The following OTUD7A variants were observed in gnomAD, a reference collection of about 807,000 sequenced individuals.
OTUD7A encodes the protein OTU deubiquitinase 7A.
In OTUD7A, 12 loss-of-function variants were observed where a neutral mutation model predicts 65.7. That is an observed-to-expected ratio of 0.18 (90% CI 0.12 to 0.30). The LOEUF (loss-of-function observed/expected upper bound fraction) is 0.30, where lower values mean the gene tolerates loss of function less well. Among genes scored for constraint, OTUD7A ranks in the 10% least tolerant of loss-of-function variants. The pLI is 1.00. For missense variants in OTUD7A, 1,148 were observed against 1,304.8 expected, an observed-to-expected ratio of 0.88 and a Z score of 1.85; for synonymous variants, 641 against 586.3, an observed-to-expected ratio of 1.09 and a Z score of -1.35.
intron 5 of OTUD7A, among the ~76,000 whole-genome samples, chr15:31,537,712 A>G (rs1887851280): frequency 6.6e-6 from 1 of 152,168 alleles, no homozygotes; most frequent in South Asian, 2.1e-4. Context: ...AAGGCATAAA[A>G]CTCAACAAAA....
chr15:31,767,115 T>C, intron 1 of OTUD7A: 1 of 1,548,506 alleles, frequency 6.5e-7, no homozygotes, highest in Non-Finnish European at 8.8e-7. Flanking sequence ...CTGATTCTTC[T>C]TTATTTTTTT....
chr15:31,698,885 C>T (rs867787063), intron 1 of OTUD7A, among the ~76,000 whole-genome samples: 1 of 149,350 alleles, frequency 6.7e-6, no homozygotes, highest in Non-Finnish European at 1.5e-5. Flanking sequence ...CTTACTCTTT[C>T]TGAGCATCAC....
chr15:31,640,664 T>C (rs1217841778), intron 3 of OTUD7A, among the ~76,000 whole-genome samples: 5 of 152,018 alleles, frequency 3.3e-5, no homozygotes, highest in Admixed American at 6.5e-5. Context: ...TGTGAACTAT[T>C]TCTTAACTTT....
chr15:31,672,569 C>T (rs4580119), intron 1 of OTUD7A, among the ~76,000 whole-genome samples: 8,422 of 151,894 alleles, frequency 0.055, 798 homozygotes, highest in African/African-American at 0.19. Context: ...TTTAGTTCCA[C>T]TTTACTAAAG....
intron 3 of OTUD7A, among the ~76,000 whole-genome samples, chr15:31,574,282 T>A (rs1889140305): frequency 6.6e-6 from 1 of 152,076 alleles, no homozygotes; most frequent in African/African-American, 2.4e-5. Flanking sequence ...TGAAAGACAT[T>A]TAAAATATTT....
chr15:31,492,605 C>T (rs1420548855), intron 10 of OTUD7A, among the ~76,000 whole-genome samples: 8 of 149,210 alleles, frequency 5.4e-5, no homozygotes, highest in African/African-American at 1.7e-4. Flanking sequence ...AAAAACAAAT[C>T]TCATTAATTA....
intron 3 of OTUD7A, among the ~76,000 whole-genome samples, chr15:31,629,309 T>C (rs914106430): frequency 2.0e-5 from 3 of 152,250 alleles, no homozygotes; most frequent in South Asian, 2.1e-4. Context: ...TCAAGGGTTG[T>C]TGAATTTTGT....
intron 3 of OTUD7A, among the ~76,000 whole-genome samples, chr15:31,654,726 T>A: frequency 6.6e-6 from 1 of 152,188 alleles, no homozygotes; most frequent in East Asian, 1.9e-4. Flanking sequence ...GGTATCTACG[T>A]GAAAAGCTGG....
At chr15:31,537,369 C>T (rs555002763) in intron 5 of OTUD7A, among the ~76,000 whole-genome samples, 1 of 152,228 alleles carries the variant, frequency 6.6e-6, no homozygotes, top group Non-Finnish European at 1.5e-5. Context: ...TTAAAATTAA[C>T]ACTACAAAGT....
chr15:31,799,999 G>A (rs896413001), intron 1 of OTUD7A, among the ~76,000 whole-genome samples: 6 of 152,230 alleles, frequency 3.9e-5, no homozygotes, highest in Non-Finnish European at 7.4e-5. Context: ...CACTTCAGAC[G>A]CAAAAACAAG....
chr15:31,637,580 A>G (rs1891380720), intron 3 of OTUD7A, among the ~76,000 whole-genome samples: 1 of 152,256 alleles, frequency 6.6e-6, no homozygotes, highest in African/African-American at 2.4e-5. Flanking sequence ...TTATAAGGCT[A>G]TAACTGCCAT....
At chr15:31,786,317 T>C (rs1040491208) in intron 1 of OTUD7A, among the ~76,000 whole-genome samples, 1 of 152,260 alleles carries the variant, frequency 6.6e-6, no homozygotes, top group Non-Finnish European at 1.5e-5. Flanking sequence ...ACTATTATTA[T>C]TTATAATAAA....
intron 3 of OTUD7A, among the ~76,000 whole-genome samples, chr15:31,576,809 A>G (rs1711825686): frequency 6.6e-6 from 1 of 152,230 alleles, no homozygotes; most frequent in African/African-American, 2.4e-5. Context: ...GTAAACTGAA[A>G]ATAAAATCCT....
chr15:31,621,505 C>T (rs1281747143), intron 3 of OTUD7A, among the ~76,000 whole-genome samples: 1 of 152,038 alleles, frequency 6.6e-6, no homozygotes, highest in Non-Finnish European at 1.5e-5. Context: ...TGAATTGATC[C>T]CTTTACCATT....
At chr15:31,856,710 T>C (rs574947815) in intron 1 of OTUD7A, among the ~76,000 whole-genome samples, 1 of 152,320 alleles carries the variant, frequency 6.6e-6, no homozygotes, top group East Asian at 1.9e-4. Flanking sequence ...ATCTACAATC[T>C]ATGTAAAAAT....
chr15:31,765,862 T>A, intron 1 of OTUD7A: 1 of 1,290,360 alleles, frequency 7.7e-7, no homozygotes, highest in Non-Finnish European at 1.1e-6. Context: ...TTCTGATATA[T>A]CAAAGGATAT....
At chr15:31,771,228 G>A (rs1895225945) in intron 1 of OTUD7A, among the ~76,000 whole-genome samples, 1 of 152,206 alleles carries the variant, frequency 6.6e-6, no homozygotes, top group South Asian at 2.1e-4. Flanking sequence ...AGAGGAAGAA[G>A]AATGTTTCTG....
intron 1 of OTUD7A, among the ~76,000 whole-genome samples, chr15:31,775,111 CA>C (rs1895342016): frequency 6.6e-6 from 1 of 152,030 alleles, no homozygotes; most frequent in East Asian, 1.9e-4. Flanking sequence ...CACACACACA[CA>C]CACACACCCC....
intron 1 of OTUD7A, among the ~76,000 whole-genome samples, chr15:31,671,332 C>T (rs951841753): frequency 6.6e-6 from 1 of 152,158 alleles, no homozygotes; most frequent in Non-Finnish European, 1.5e-5. Flanking sequence ...ATAAGGAATC[C>T]TTTCCCCATT....
Sources: allele counts gnomAD v4.1 joint callset (sites outside exome capture counted in the v4.1 genomes callset), GRCh38; gene constraint gnomAD v4.1.1; transcripts MANE v1.5; gene names NCBI Gene and HGNC (gene_info 2026-07-23, HGNC 2026-07-21).